EEPD1: variants seen among roughly 807,000 people sequenced by gnomAD.
EEPD1 encodes the protein endonuclease/exonuclease/phosphatase family domain containing 1.
EEPD1 carries 17 observed loss-of-function variants against 46.3 expected under a neutral mutation model. The observed-to-expected ratio is 0.37, with a 90% CI of 0.25 to 0.55. EEPD1 has a LOEUF of 0.55. EEPD1 is among the 20% of genes least tolerant of loss of function. The probability of loss-of-function intolerance (pLI) is 0.83; values close to 1 mark genes in which losing one functional copy is unlikely to be tolerated. For synonymous variants in EEPD1, 313 were observed against 315.6 expected, an observed-to-expected ratio of 0.99 and a Z score of 0.09; for missense variants, 673 against 745.6, an observed-to-expected ratio of 0.90 and a Z score of 1.13.
chr7:36,295,533 G>T (rs1005262342), intron 6 of EEPD1, among the ~76,000 whole-genome samples: 2 of 151,370 alleles, frequency 1.3e-5, no homozygotes, highest in East Asian at 3.9e-4. Flanking sequence ...CTAAAGGAGG[G>T]GGAGCACAAC....
intron 6 of EEPD1, among the ~76,000 whole-genome samples, chr7:36,290,091 A>G (rs1787405004): frequency 6.6e-6 from 1 of 152,232 alleles, no homozygotes; most frequent in Non-Finnish European, 1.5e-5. Context: ...GATCTGTAAA[A>G]TGGACAACTT....
intron 6 of EEPD1, among the ~76,000 whole-genome samples, chr7:36,291,520 A>G (rs1787431593): frequency 6.6e-6 from 1 of 152,258 alleles, no homozygotes; most frequent in East Asian, 1.9e-4. Context: ...TGGTCAGCAC[A>G]GTGCCATGAC....
chr7:36,202,581 G>A (rs1785733187), intron 2 of EEPD1, among the ~76,000 whole-genome samples: 1 of 152,174 alleles, frequency 6.6e-6, no homozygotes, highest in African/African-American at 2.4e-5. Flanking sequence ...TAAATGATAA[G>A]AGGCTTGTGG....
chr7:36,220,580 AT>A (rs1159865342), intron 2 of EEPD1, among the ~76,000 whole-genome samples: 5 of 152,154 alleles, frequency 3.3e-5, no homozygotes, highest in Non-Finnish European at 5.9e-5. Context: ...CCAGTGGCAA[AT>A]GGCACTTTGC....
intron 3 of EEPD1, among the ~76,000 whole-genome samples, chr7:36,274,390 C>T (rs1787154392): frequency 6.6e-6 from 1 of 152,096 alleles, no homozygotes; most frequent in Non-Finnish European, 1.5e-5. Context: ...GGCCATGTGG[C>T]CTTTAAAAAT....
At chr7:36,237,516 C>A (rs964218434) in intron 2 of EEPD1, among the ~76,000 whole-genome samples, 17 of 152,170 alleles carry the variant, frequency 1.1e-4, no homozygotes, top group African/African-American at 4.1e-4. Context: ...TCCCCCAGTC[C>A]CTGGTAAGCA....
chr7:36,271,270 G>T (rs1011789507), intron 3 of EEPD1, among the ~76,000 whole-genome samples: 19 of 152,056 alleles, frequency 1.2e-4, no homozygotes, highest in Non-Finnish European at 1.0e-4. Flanking sequence ...ACCACGCCTG[G>T]CCTATTTCCT....
At chr7:36,235,072 G>A (rs2115773618) in intron 2 of EEPD1, among the ~76,000 whole-genome samples, 1 of 135,922 alleles carries the variant, frequency 7.4e-6, no homozygotes, top group East Asian at 2.2e-4. Flanking sequence ...ACAGCCTCAA[G>A]CCCAGGCCTT....
At chr7:36,192,774 G>T (rs1403310161) in intron 2 of EEPD1, among the ~76,000 whole-genome samples, 1 of 152,188 alleles carries the variant, frequency 6.6e-6, no homozygotes, top group East Asian at 1.9e-4. Context: ...AGAACTAAAT[G>T]TTGTTTTCGT....
intron 3 of EEPD1, among the ~76,000 whole-genome samples, chr7:36,265,855 A>G (rs1482154114): frequency 4.6e-5 from 7 of 152,234 alleles, no homozygotes; most frequent in Admixed American, 1.3e-4. Flanking sequence ...GAAACAAGTT[A>G]TCATCAGCTT....
At chr7:36,210,714 G>A (rs550822992) in intron 2 of EEPD1, among the ~76,000 whole-genome samples, 8 of 152,128 alleles carry the variant, frequency 5.3e-5, no homozygotes, top group South Asian at 2.1e-4. Context: ...TCCCACCTGC[G>A]CATTTGCTGC....
At chr7:36,203,244 C>T (rs1785746997) in intron 2 of EEPD1, among the ~76,000 whole-genome samples, 2 of 152,176 alleles carry the variant, frequency 1.3e-5, no homozygotes, top group Admixed American at 6.5e-5. Context: ...TGTGGGATTT[C>T]GCCTGGGTTC....
intron 2 of EEPD1, among the ~76,000 whole-genome samples, chr7:36,178,376 G>A (rs1028331593): frequency 6.6e-6 from 1 of 152,200 alleles, no homozygotes; most frequent in Non-Finnish European, 1.5e-5. Flanking sequence ...AAGCATTGGG[G>A]CTCCCCTATG....
At chr7:36,262,760 A>G (rs916950737) in intron 3 of EEPD1, among the ~76,000 whole-genome samples, 1 of 152,200 alleles carries the variant, frequency 6.6e-6, no homozygotes, top group Non-Finnish European at 1.5e-5. Context: ...TGTGCCTCTA[A>G]GTACACATGC....
At chr7:36,192,614 C>A (rs1294843923) in intron 2 of EEPD1, among the ~76,000 whole-genome samples, 2 of 152,168 alleles carry the variant, frequency 1.3e-5, no homozygotes, top group Admixed American at 1.3e-4. Context: ...ACTCAAGTCG[C>A]AGAAATTTAC....
intron 2 of EEPD1, among the ~76,000 whole-genome samples, chr7:36,161,897 C>CAAAA (rs10570788): frequency 3.1e-5 from 4 of 127,104 alleles, no homozygotes; most frequent in South Asian, 2.8e-4. Flanking sequence ...CTGTCTCTCT[C>CAAAA]AAAAAAAAAA....
intron 2 of EEPD1, among the ~76,000 whole-genome samples, chr7:36,220,442 C>T (rs967203672): frequency 4.6e-5 from 7 of 152,106 alleles, no homozygotes; most frequent in African/African-American, 1.7e-4. Context: ...TCATCATAAC[C>T]ACGTGGATTA....
At chr7:36,168,670 A>G (rs545999240) in intron 2 of EEPD1, among the ~76,000 whole-genome samples, 1 of 152,038 alleles carries the variant, frequency 6.6e-6, no homozygotes, top group East Asian at 1.9e-4. Context: ...AGGTGGGAGA[A>G]AGGCATGAAC....
chr7:36,233,830 C>T lies in EEPD1; in HGVS notation c.879-5155C>T, dbSNP rs577804964. 6.0e-4 allele frequency among the ~76,000 whole-genome samples: 92 copies of T among 152,314 alleles called. 1 individual carries two copies. Among genetic ancestry groups the T allele is most frequent in the African/African-American group, 2.0e-3 (82 of 41,570 alleles). On this transcript the variant is annotated intron_variant, in intron 2 of 7. Coordinates refer to ENST00000242108, the MANE Select transcript of EEPD1 (RefSeq NM_030636.3). ...GGAACAAAAGCCAACGGGGTTGGAG[C>T]AGAGAGAACGCCCACACTCCTGTCC...
Sources: allele counts gnomAD v4.1 joint callset (sites outside exome capture counted in the v4.1 genomes callset), GRCh38; gene constraint gnomAD v4.1.1; transcripts MANE v1.5; gene names NCBI Gene and HGNC (gene_info 2026-07-23, HGNC 2026-07-21).